The following PLCH1 variants were observed in gnomAD, a reference collection of about 807,000 sequenced individuals.
PLCH1 encodes phospholipase C eta 1, also known as 1-phosphatidylinositol 4,5-bisphosphate phosphodiesterase eta-1.
A neutral mutation model predicts 126.7 loss-of-function variants in PLCH1; 60 were observed. That is an observed-to-expected ratio of 0.47 (90% confidence interval 0.38 to 0.59). PLCH1 has a LOEUF of 0.59. Among genes scored for constraint, PLCH1 ranks in the 20% least tolerant of loss-of-function variants. PLCH1 has a pLI of 0.00. For synonymous variants in PLCH1, 719 were observed against 734.9 expected, an observed-to-expected ratio of 0.98 and a Z score of 0.35; for missense variants, 1,723 against 2,040.0, an observed-to-expected ratio of 0.84 and a Z score of 2.99.
At chr3:155,535,446 G>C (rs548942203) in intron 10 of PLCH1, among the ~76,000 whole-genome samples, 7 of 152,300 alleles carry the variant, frequency 4.6e-5, no homozygotes, top group African/African-American at 1.7e-4. Context: ...CTCGGTGCTG[G>C]TGGTGGGAAT....
chr3:155,564,097 A>C (rs570039321), intron 8 of PLCH1, among the ~76,000 whole-genome samples: 1 of 152,176 alleles, frequency 6.6e-6, no homozygotes, highest in South Asian at 2.1e-4. Flanking sequence ...ATAGGTGTAC[A>C]ATACCATGCC....
chr3:155,505,835 C>A (rs1265959777), intron 12 of PLCH1, among the ~76,000 whole-genome samples: 4 of 151,808 alleles, frequency 2.6e-5, no homozygotes, highest in African/African-American at 9.7e-5. Context: ...AGTCAGAAGA[C>A]CCAGTTCTGC....
intron 1 of PLCH1, chr3:155,742,546 G>A (rs1282763397): frequency 6.6e-6 from 1 of 152,032 alleles, no homozygotes; most frequent in East Asian, 1.9e-4. Context: ...CCCATGATCT[G>A]TTAAAACTGC....
chr3:155,462,805 C>A (rs1712777914), intron 21 of PLCH1, among the ~76,000 whole-genome samples: 1 of 152,178 alleles, frequency 6.6e-6, no homozygotes, highest in Non-Finnish European at 1.5e-5. Context: ...TGAGGAGTCC[C>A]CACATGCAGC....
At chr3:155,729,991 C>T (rs1748642801) in intron 1 of PLCH1, among the ~76,000 whole-genome samples, 1 of 151,344 alleles carries the variant, frequency 6.6e-6, no homozygotes. Context: ...AATGGCCTCT[C>T]TTTAGAAGGA....
chr3:155,664,705 G>A (rs1742540524), intron 2 of PLCH1, among the ~76,000 whole-genome samples: 1 of 152,120 alleles, frequency 6.6e-6, no homozygotes, highest in Non-Finnish European at 1.5e-5. Flanking sequence ...GTTGATGAAA[G>A]CTTCCCCTTG....
chr3:155,638,848 C>T (rs925879396), intron 2 of PLCH1, among the ~76,000 whole-genome samples: 1 of 152,134 alleles, frequency 6.6e-6, no homozygotes, highest in Non-Finnish European at 1.5e-5. Context: ...GACATCTTTA[C>T]AGGCAAATGA....
At chr3:155,660,612 T>G (rs1346802425) in intron 2 of PLCH1, among the ~76,000 whole-genome samples, 3 of 152,196 alleles carry the variant, frequency 2.0e-5, no homozygotes, top group Non-Finnish European at 4.4e-5. Flanking sequence ...GCTCCTGAAC[T>G]TTAGCTGAAT....
At chr3:155,479,618 A>G (rs73874814), downstream of PLCH1, among the ~76,000 whole-genome samples, 8,061 of 151,372 alleles carry the variant, frequency 0.053, 374 homozygotes, top group African/African-American at 0.13. Flanking sequence ...CACCACAACC[A>G]GTTCAGAAGG....
At chr3:155,667,956 G>A (rs2108969365) in intron 2 of PLCH1, among the ~76,000 whole-genome samples, 1 of 148,922 alleles carries the variant, frequency 6.7e-6, no homozygotes, top group East Asian at 2.0e-4. Flanking sequence ...GTGGTGGCGT[G>A]TGCCTGTAAT....
chr3:155,554,322 G>T, intron 8 of PLCH1, 126 bp from the exon 9 acceptor site: 2 of 836,508 alleles, frequency 2.4e-6, no homozygotes, highest in Non-Finnish European at 3.7e-6. Context: ...TGACAAAGAC[G>T]TGACACAGAC....
chr3:155,681,114 T>C (rs1022011020), intron 2 of PLCH1, among the ~76,000 whole-genome samples: 2 of 152,218 alleles, frequency 1.3e-5, no homozygotes, highest in African/African-American at 2.4e-5. Context: ...GGTGTTTTAC[T>C]TTCTTCTTTA....
At chr3:155,533,030 T>C (rs768451237) in intron 10 of PLCH1, among the ~76,000 whole-genome samples, 2 of 152,154 alleles carry the variant, frequency 1.3e-5, no homozygotes, top group Non-Finnish European at 2.9e-5. Flanking sequence ...AACAAAGAAG[T>C]CCAGGTTGAG....
At position 155,693,201 on chromosome 3, in the gene PLCH1, CA is replaced by C. The variant is rs1745545278; in HGVS notation, c.79+10944del. ...CACAGACTTGCCGGGCGCGGTGGCT[CA>C]CGCCTGTAATCCCAGCACTTTGGGA... On this transcript the variant is annotated intron_variant, in intron 2 of 22. Coordinates refer to ENST00000460012, the MANE Select transcript of PLCH1 (RefSeq NM_014996.4). Among the ~76,000 whole-genome samples the C allele has an allele frequency of 6.3e-5, 2 of 31,952 alleles. 1 individual carries two copies. The highest frequency in any genetic ancestry group is 9.3e-5 in the Non-Finnish European group (2 of 21,572). The allele number at this position is 31,952 out of a possible 152,430, so 21.0% of individuals were successfully genotyped here.
intron 2 of PLCH1, among the ~76,000 whole-genome samples, chr3:155,626,924 G>A (rs568620386): frequency 1.3e-5 from 2 of 151,510 alleles, no homozygotes; most frequent in East Asian, 3.9e-4. Context: ...ATTACATAAA[G>A]GGTTCCTGCA....
At position 155,566,132 on chromosome 3, in the gene PLCH1, C is replaced by CATATATATATGTATATATACAT. The variant is rs1267138778; in HGVS notation, c.866-1015_866-1014insATGTATATATACATATATATAT. Among the ~76,000 whole-genome samples, 102 of 130,374 alleles carry CATATATATATGTATATATACAT rather than the reference C, an allele frequency of 7.8e-4. 3 individuals carry two copies. Among genetic ancestry groups the CATATATATATGTATATATACAT allele is most frequent in the African/African-American group, 1.4e-3 (46 of 33,308 alleles). 85.5% of individuals were successfully genotyped at this position (130,374 alleles called of 152,430 possible). ...ATATACATATATATATGTATATATACATATATATGTATATATACATATATA... is the reference window on the plus strand; with the variant it reads ...ATATACATATATATATGTATATATACATATATATATGTATATATACATATATATATGTATATATACATATATA... On this transcript the variant is annotated intron_variant, in intron 7 of 22. Transcript: ENST00000460012.
chr3:155,562,434 T>C (rs1727758726), intron 8 of PLCH1, among the ~76,000 whole-genome samples: 1 of 152,210 alleles, frequency 6.6e-6, no homozygotes, highest in South Asian at 2.1e-4. Context: ...ATGGAGCCCC[T>C]GTCAGTTACT....
At chr3:155,688,297 T>C (rs1389555605) in intron 2 of PLCH1, among the ~76,000 whole-genome samples, 1 of 152,238 alleles carries the variant, frequency 6.6e-6, no homozygotes, top group African/African-American at 2.4e-5. Flanking sequence ...TATCTAGCCA[T>C]TTTTGATAAT....
chr3:155,733,934 CATATATATATATATATATATAT>C lies in PLCH1; in HGVS notation c.-41+10884_-41+10905del, dbSNP rs35149793. ...AACATACAAATGGCCAACAGGTATA[CATATATATATATATATATATAT>C]ATATATATATATATATATATATGCA... On this transcript the variant is annotated intron_variant, in intron 1 of 22. Coordinates refer to ENST00000460012, the MANE Select transcript of PLCH1 (RefSeq NM_014996.4). Among the ~76,000 whole-genome samples the C allele has an allele frequency of 5.5e-4, 54 of 98,170 alleles. 1 individual carries two copies. Among genetic ancestry groups the C allele is most frequent in the Middle Eastern group, 6.3e-3 (1 of 160 alleles). The allele number at this position is 98,170 out of a possible 152,430, so 64.4% of individuals were successfully genotyped here. A position where few individuals can be genotyped will look rare whatever the true frequency, so the allele number is the denominator to read the frequency against.
Sources: allele counts gnomAD v4.1 joint callset (sites outside exome capture counted in the v4.1 genomes callset), GRCh38; gene constraint gnomAD v4.1.1; transcripts MANE v1.5; gene names NCBI Gene and HGNC (gene_info 2026-07-23, HGNC 2026-07-21).